Variants in SMOC1 observed in about 807,000 individuals in gnomAD.
SMOC1 encodes SPARC related modular calcium binding 1.
Under a neutral mutation model 56.3 loss-of-function variants are expected in SMOC1, and 22 were observed. The observed-to-expected ratio is 0.39, with a 90% CI of 0.28 to 0.56. SMOC1 has a LOEUF of 0.56. SMOC1 is among the 20% of genes least tolerant of loss of function. The pLI is 0.61. For missense variants in SMOC1, 509 were observed against 565.4 expected, an observed-to-expected ratio of 0.90 and a Z score of 1.01; for synonymous variants, 193 against 215.0, an observed-to-expected ratio of 0.90 and a Z score of 0.89.
At chr14:69,974,258 G>C (rs1883879420) in intron 3 of SMOC1, among the ~76,000 whole-genome samples, 1 of 152,104 alleles carries the variant, frequency 6.6e-6, no homozygotes, top group Non-Finnish European at 1.5e-5. Flanking sequence ...GGGGCCCCAG[G>C]GTGTGTGGGA....
chr14:69,973,200 T>C (rs2139495060), intron 3 of SMOC1, among the ~76,000 whole-genome samples: 1 of 152,258 alleles, frequency 6.6e-6, no homozygotes, highest in South Asian at 2.1e-4. Context: ...CCCACCCAAG[T>C]CTGTGGAGGT....
chr14:70,015,146 C>G (rs1885463920), intron 10 of SMOC1, among the ~76,000 whole-genome samples: 1 of 151,796 alleles, frequency 6.6e-6, no homozygotes, highest in Non-Finnish European at 1.5e-5. Flanking sequence ...AGAGAGAAAT[C>G]CTGTTATATT....
chr14:69,937,432 C>G (rs1226477737), intron 1 of SMOC1, among the ~76,000 whole-genome samples: 1 of 152,214 alleles, frequency 6.6e-6, no homozygotes, highest in Admixed American at 6.5e-5. Context: ...CTTTCTCTCC[C>G]TCAGGAGTGG....
At chr14:69,972,130 C>G (rs986261083) in intron 3 of SMOC1, among the ~76,000 whole-genome samples, 3 of 152,048 alleles carry the variant, frequency 2.0e-5, no homozygotes, top group African/African-American at 7.3e-5. Context: ...ACAGACAGAC[C>G]GAGGCTTAGT....
At position 69,908,150 on chromosome 14, in the gene SMOC1, G is replaced by A. The variant is rs567795406; in HGVS notation, c.99+28373G>A. 1.2e-3 allele frequency among the ~76,000 whole-genome samples: 177 copies of A among 152,294 alleles called. 1 individual carries two copies. Among genetic ancestry groups the A allele is most frequent in the African/African-American group, 4.0e-3 (166 of 41,570 alleles). On this transcript the variant is annotated intron_variant, in intron 1 of 11. Coordinates refer to ENST00000361956, the MANE Select transcript of SMOC1 (RefSeq NM_001034852.3). ...CAATGGATTCAGTGTGGGGAAAAAAGTAGGTTGTAAAACATCATATTGTAG... is the reference window on the plus strand; with the variant it reads ...CAATGGATTCAGTGTGGGGAAAAAAATAGGTTGTAAAACATCATATTGTAG...
At chr14:69,994,101 C>T in intron 6 of SMOC1, 1 of 452,486 alleles carries the variant, frequency 2.2e-6, no homozygotes, top group Non-Finnish European at 4.1e-6. Flanking sequence ...CTTGGCTTGG[C>T]CCATGTTCCT....
At chr14:69,925,941 G>A (rs1884998021) in intron 1 of SMOC1, among the ~76,000 whole-genome samples, 1 of 152,160 alleles carries the variant, frequency 6.6e-6, no homozygotes, top group Admixed American at 6.5e-5. Flanking sequence ...ACCCTGGAGA[G>A]GAGTCTTAGC....
intron 5 of SMOC1, among the ~76,000 whole-genome samples, chr14:69,989,192 A>C (rs1183577069): frequency 6.6e-6 from 1 of 152,202 alleles, no homozygotes; most frequent in East Asian, 1.9e-4. Flanking sequence ...CATCCTTACC[A>C]ACACTTAATA....
In SMOC1 at chr14:70,009,961, C is replaced by T. The variant is rs528140030; in HGVS notation, c.665-793C>T. ...TTGGGAAGAATTTTCAGGTAAGTGG[C>T]TGTGCAGATGTGAGATGCCCTGGAG... On this transcript the variant is annotated intron_variant, in intron 7 of 11. Coordinates refer to ENST00000361956, the MANE Select transcript of SMOC1 (RefSeq NM_001034852.3). Among the ~76,000 whole-genome samples, 15 of 152,300 alleles carry T rather than the reference C, an allele frequency of 9.8e-5. 1 individual carries two copies. In the South Asian group the frequency reaches 3.1e-3, roughly 32 times the overall value.
intron 3 of SMOC1, among the ~76,000 whole-genome samples, chr14:69,961,015 A>G (rs776277077): frequency 6.6e-6 from 1 of 152,066 alleles, no homozygotes; most frequent in African/African-American, 2.4e-5. Context: ...ATACCAGAAC[A>G]TTTTTGTCAC....
chr14:69,934,259 T>A (rs1444620132), intron 1 of SMOC1, among the ~76,000 whole-genome samples: 2 of 152,202 alleles, frequency 1.3e-5, no homozygotes, highest in Non-Finnish European at 2.9e-5. Context: ...ACATCTCGTT[T>A]CTGTTAGAAG....
chr14:70,023,490 C>T (rs548373759), intron 11 of SMOC1, 43 bp downstream of exon 11: 1 of 1,613,408 alleles, frequency 6.2e-7, no homozygotes, highest in African/African-American at 1.3e-5. Flanking sequence ...AATACTTGCC[C>T]CCACCCAGGC....
rs776298972 is a variant in SMOC1, at chr14:69,879,582, C to T, written c.-97C>T. On this transcript the variant is annotated 5_prime_UTR_variant, in exon 1 of 12. Transcript: ENST00000361956. Reference sequence around the variant, plus strand: ...GACCACGGCCCGCTCCCCGCCGCCGCGAGGGCCCCGAGCGAAGGAAGGAAG... The same window carrying T: ...GACCACGGCCCGCTCCCCGCCGCCGTGAGGGCCCCGAGCGAAGGAAGGAAG... The T allele has an allele frequency of 1.0e-6, 1 of 983,346 alleles. No individual in the cohort carries two copies. Among genetic ancestry groups the T allele is most frequent in the Non-Finnish European group, 1.4e-6 (1 of 736,878 alleles). The allele number at this position is 983,346 out of a possible 1,614,324, so 60.9% of individuals were successfully genotyped here. A position where few individuals can be genotyped will look rare whatever the true frequency, so the allele number is the denominator to read the frequency against.
intron 1 of SMOC1, among the ~76,000 whole-genome samples, chr14:69,881,055 A>G (rs1482745572): frequency 6.6e-6 from 1 of 152,236 alleles, no homozygotes; most frequent in African/African-American, 2.4e-5. Context: ...TTTTATGACC[A>G]GATGTGCAAC....
chr14:69,945,544 G>A (rs1185705944), intron 1 of SMOC1, among the ~76,000 whole-genome samples: 3 of 152,208 alleles, frequency 2.0e-5, no homozygotes, highest in South Asian at 2.1e-4. Context: ...GTTACCTCAG[G>A]TGGTACCATG....
At chr14:69,981,017 G>T (rs554419506) in intron 5 of SMOC1, among the ~76,000 whole-genome samples, 1 of 152,310 alleles carries the variant, frequency 6.6e-6, no homozygotes, top group South Asian at 2.1e-4. Context: ...ACCACGGAGA[G>T]TCTGGTCGCC....
chr14:70,027,948 G>A (rs1323372212), intron 11 of SMOC1, among the ~76,000 whole-genome samples: 1 of 152,180 alleles, frequency 6.6e-6, no homozygotes, highest in Non-Finnish European at 1.5e-5. Context: ...CAGGGGCTCC[G>A]GGAGCAGAGC....
At chr14:69,978,018 G>A in intron 5 of SMOC1, 53 bp downstream of exon 5, 2 of 1,490,842 alleles carry the variant, frequency 1.3e-6, no homozygotes, top group Non-Finnish European at 1.9e-6. Context: ...GGTGGTCCAA[G>A]CAGGATTTCT....
chr14:69,927,262 G>A (rs1885035437), intron 1 of SMOC1, among the ~76,000 whole-genome samples: 1 of 152,234 alleles, frequency 6.6e-6, no homozygotes, highest in African/African-American at 2.4e-5. Flanking sequence ...GTTTGGTTTT[G>A]CAGGTCATCA....
Sources: gnomAD v4.1 joint callset for allele counts (sites outside exome capture counted in the v4.1 genomes callset) on GRCh38, gnomAD v4.1.1 for gene constraint, MANE v1.5 for transcripts, NCBI Gene and HGNC (gene_info 2026-07-23, HGNC 2026-07-21) for gene names.